Variants in EEF1A1 observed in about 807,000 individuals in gnomAD.
EEF1A1 encodes elongation factor 1-alpha 1.
Under a neutral mutation model 38.5 loss-of-function variants are expected in EEF1A1, and 1 was observed. That is an observed-to-expected ratio of 0.03 (90% CI 0.01 to 0.12). EEF1A1 has a LOEUF of 0.12. Ranked by LOEUF, EEF1A1 falls within the 10% of genes least tolerant of loss-of-function variation. The probability of loss-of-function intolerance (pLI) is 1.00; values close to 1 mark genes in which losing one functional copy is unlikely to be tolerated. For missense variants in EEF1A1, 184 were observed against 588.3 expected, an observed-to-expected ratio of 0.31 and a Z score of 7.11; for synonymous variants, 229 against 203.7, an observed-to-expected ratio of 1.12 and a Z score of -1.06.
chr6:73,520,690 GAA>G (rs1377073582), intron 1 of EEF1A1: 1 of 152,450 alleles, frequency 6.6e-6, no homozygotes, highest in South Asian at 2.1e-4. Flanking sequence ...TATCTTGCCA[GAA>G]AAAAAGCGTC....
chr6:73,515,951 C>CT lies in EEF1A1; in HGVS notation c.*1858dup, dbSNP rs1336681308. 2 of 152,148 alleles carry CT rather than the reference C, an allele frequency of 1.3e-5. No homozygotes were observed. The highest frequency in any genetic ancestry group is 1.5e-5 in the Non-Finnish European group (1 of 68,040). 9.4% of individuals were successfully genotyped at this position (152,148 alleles called of 1,614,324 possible). ...CTTGCTTCCTTGCATGTCAAGAATT[C>CT]TCTACTGGTAAATCTTACAGGTGTC... On this transcript the variant is annotated 3_prime_UTR_variant, in exon 8 of 8. Coordinates refer to ENST00000309268, the MANE Select transcript of EEF1A1 (RefSeq NM_001402.6).
intron 3 of EEF1A1, 54 bp downstream of exon 3, chr6:73,519,283 G>A: frequency 6.2e-7 from 1 of 1,606,836 alleles, no homozygotes; most frequent in South Asian, 1.1e-5. Flanking sequence ...CAAAACCAGT[G>A]TACAAAGCAA....
chr6:73,515,851 G>T lies in EEF1A1; in HGVS notation c.*1959C>A, dbSNP rs939550716. 6.6e-6 allele frequency: 1 copy of T among 152,058 alleles called. No individual in the cohort carries two copies. Among genetic ancestry groups the T allele is most frequent in the Admixed American group, 6.5e-5 (1 of 15,274 alleles). 9.4% of individuals were successfully genotyped at this position (152,058 alleles called of 1,614,324 possible). On this transcript the variant is annotated 3_prime_UTR_variant, in exon 8 of 8. Coordinates refer to ENST00000309268, the MANE Select transcript of EEF1A1 (RefSeq NM_001402.6). ...TCTAAGACACTGGGTTTCACAGGAAGTTAATCTCAATCTCAGTATATGCAA... is the reference window on the plus strand; with the variant it reads ...TCTAAGACACTGGGTTTCACAGGAATTTAATCTCAATCTCAGTATATGCAA...
Position 73,516,278 on chromosome 6 carries a change from T to C in EEF1A1, c.*1532A>G, listed in dbSNP as rs900613496. Reference sequence around the variant, plus strand: ...CATTGCCAGTCACTTTAAGAGGCCTTATCTCTTGGGCTGCTTTAACTCCTG... The same window carrying C: ...CATTGCCAGTCACTTTAAGAGGCCTCATCTCTTGGGCTGCTTTAACTCCTG... On this transcript the variant is annotated 3_prime_UTR_variant, in exon 8 of 8. Coordinates refer to ENST00000309268, the MANE Select transcript of EEF1A1 (RefSeq NM_001402.6). 3.3e-5 allele frequency: 5 copies of C among 152,222 alleles called. No individual in the cohort carries two copies. Among genetic ancestry groups the C allele is most frequent in the African/African-American group, 4.8e-5 (2 of 41,458 alleles). 9.4% of individuals were successfully genotyped at this position (152,222 alleles called of 1,614,324 possible).
intron 1 of EEF1A1, 118 bp from the exon 2 acceptor site, chr6:73,520,174 T>C: frequency 2.1e-6 from 2 of 949,114 alleles, no homozygotes; most frequent in Non-Finnish European, 3.1e-6. Flanking sequence ...CTGGCCTAAC[T>C]TCAGTCTCCA....
At position 73,517,780 on chromosome 6, in the gene EEF1A1, G is replaced by C; in HGVS notation, c.*30C>G. 1 of 1,260,266 alleles carries C rather than the reference G, an allele frequency of 7.9e-7. No homozygotes were observed. Among genetic ancestry groups the C allele is most frequent in the Non-Finnish European group, 1.1e-6 (1 of 892,642 alleles). 78.1% of individuals were successfully genotyped at this position (1,260,266 alleles called of 1,614,324 possible). A position where few individuals can be genotyped will look rare whatever the true frequency, so the allele number is the denominator to read the frequency against. On this transcript the variant is annotated 3_prime_UTR_variant, in exon 8 of 8. Coordinates refer to ENST00000309268, the MANE Select transcript of EEF1A1 (RefSeq NM_001402.6). Reference sequence around the variant, plus strand: ...AGACCGTTCTTCCACCACTGATTAAGAGTGGGGTGGCAGGTATTAGGGATA... The same window carrying C: ...AGACCGTTCTTCCACCACTGATTAACAGTGGGGTGGCAGGTATTAGGGATA...
At position 73,518,917 on chromosome 6, in the gene EEF1A1, T is replaced by C. The variant is rs199860345; in HGVS notation, c.621+15A>G. ...TTCCCAGAGCTTTTTAACAATGGTC[T>C]TGAAAGCCACTTACGTTAGCACTTG... is the stretch of plus-strand genomic sequence containing the variant. On this transcript the variant is annotated intron_variant, in intron 4 of 7. Coordinates refer to ENST00000309268, the MANE Select transcript of EEF1A1 (RefSeq NM_001402.6). The C allele has an allele frequency of 1.2e-6, 2 of 1,611,826 alleles. No individual in the cohort carries two copies. Among genetic ancestry groups the C allele is most frequent in the Admixed American group, 1.7e-5 (1 of 59,974 alleles).
In EEF1A1 at chr6:73,518,418, C is replaced by A. The variant is rs755319175; in HGVS notation, c.965G>T (p.Arg322Leu). 1 of 1,613,646 alleles carries A rather than the reference C, an allele frequency of 6.2e-7. No individual in the cohort carries two copies. Among genetic ancestry groups the A allele is most frequent in the Non-Finnish European group, 8.5e-7 (1 of 1,179,970 alleles). The part of the protein sequence containing the change: ...VKNVSVKDVR[R>L]GNVAGDSKND... ...TTTGCTGTCACCAGCAACGTTGCCA[C>A]GACGAACATCCTTGACAGACACATT... The change falls in exon 6 of 8, where the codon CGT becomes CTT. Residue 322 changes from arginine (R) to leucine (L), a missense_variant. Arg to Leu is a moderately radical substitution (Grantham distance 102). Transcript: ENST00000309268.
In EEF1A1 at chr6:73,518,925, C is replaced by T; in HGVS notation, c.621+7G>A. 6.2e-7 allele frequency: 1 copy of T among 1,612,272 alleles called. No homozygotes were observed. The highest frequency in any genetic ancestry group is 8.5e-7 in the Non-Finnish European group (1 of 1,178,396). ...GCTTTTTAACAATGGTCTTGAAAGC[C>T]ACTTACGTTAGCACTTGGCTCCAGC... On this transcript the variant is annotated splice_region_variant and intron_variant, in intron 4 of 7. Transcript: ENST00000309268.
chr6:73,520,151 A>G, intron 1 of EEF1A1, 95 bp from the exon 2 acceptor site: 1 of 1,220,944 alleles, frequency 8.2e-7, no homozygotes. Flanking sequence ...GGAGAATTAC[A>G]TCAAGTGCCA....
intron 2 of EEF1A1, 129 bp from the exon 3 acceptor site, chr6:73,519,645 G>C: frequency 2.5e-6 from 3 of 1,219,658 alleles, no homozygotes; most frequent in Non-Finnish European, 2.3e-6. Context: ...AGTCACTTTG[G>C]GTTACAGAAG....
Position 73,518,412 on chromosome 6 carries a change from T to A in EEF1A1, c.971A>T (p.Asn324Ile). ...GTCATTTTTGCTGTCACCAGCAACG[T>A]TGCCACGACGAACATCCTTGACAGA... is the stretch of plus-strand genomic sequence containing the variant. ...NVSVKDVRRG[N>I]VAGDSKNDPP... The change falls in exon 6 of 8, where the codon AAC (asparagine) becomes ATC (isoleucine). Residue 324 changes from asparagine to isoleucine, a missense_variant. By Grantham distance (149) the Asn-to-Ile change is moderately radical (BLOSUM62 -3). This residue lies in a region of EEF1A1 where 81 missense variants were observed against 286.3 expected (regional missense o/e 0.28). Transcript: ENST00000309268. 1 of 1,613,696 alleles carries A rather than the reference T, an allele frequency of 6.2e-7. No individual in the cohort carries two copies. The highest frequency in any genetic ancestry group is 8.5e-7 in the Non-Finnish European group (1 of 1,179,976).
chr6:73,520,543 C>G (rs1258801873), intron 1 of EEF1A1: 1 of 152,654 alleles, frequency 6.6e-6, no homozygotes, highest in Non-Finnish European at 1.5e-5. Flanking sequence ...GAGACTACCC[C>G]CGTCCGATTC....
At chr6:73,519,574 C>T in intron 2 of EEF1A1, 58 bp from the exon 3 acceptor site, 2 of 1,516,558 alleles carry the variant, frequency 1.3e-6, no homozygotes, top group Middle Eastern at 1.7e-4. Context: ...GCTTCAATTT[C>T]CTTGTCCCCA....
chr6:73,519,775 TA>T, intron 2 of EEF1A1, 107 bp downstream of exon 2: 2 of 1,486,898 alleles, frequency 1.3e-6, no homozygotes, highest in South Asian at 2.6e-5. Context: ...AGGTCTTAAC[TA>T]TTAGCATTCA....
In EEF1A1 at chr6:73,519,381, C is replaced by T. The variant is rs2150051818; in HGVS notation, c.280G>A (p.Gly94Arg). The change falls in exon 3 of 8, where the codon GGA (glycine) becomes AGA (arginine). Residue 94 changes from glycine to arginine, a missense_variant. By Grantham distance (125) the Gly-to-Arg change is moderately radical. Transcript: ENST00000309268. ...KYYVTIIDAP[G>R]HRDFIKNMIT... ...ATGTTTTTGATAAAGTCTCTGTGTC[C>T]TGGGGCATCAATGATAGTCACATAG... 6.2e-7 allele frequency: 1 copy of T among 1,612,322 alleles called. No individual in the cohort carries two copies. Among genetic ancestry groups the T allele is most frequent in the African/African-American group, 1.3e-5 (1 of 75,026 alleles).
intron 1 of EEF1A1, chr6:73,520,293 A>G (rs2150052270): frequency 2.6e-6 from 1 of 389,396 alleles, no homozygotes; most frequent in Non-Finnish European, 4.6e-6. Flanking sequence ...GGCGCCCGGT[A>G]CTCCGTGGAG....
rs958438083 is a variant in EEF1A1, at chr6:73,520,076, C to T, written c.-30-20G>A. 6.4e-6 allele frequency: 10 copies of T among 1,568,664 alleles called. No homozygotes were observed. The highest frequency in any genetic ancestry group is 8.6e-6 in the Non-Finnish European group (10 of 1,168,624). On this transcript the variant is annotated intron_variant, in intron 1 of 7. Coordinates refer to ENST00000309268, the MANE Select transcript of EEF1A1 (RefSeq NM_001402.6). ...CGACACCTGAAATGGAAGAAAAAAA[C>T]TTTGAACCACTGTCTGAGGCTTGAG...
At chr6:73,520,190 T>G (rs1765617956) in intron 1 of EEF1A1, 134 bp from the exon 2 acceptor site, 2 of 778,098 alleles carry the variant, frequency 2.6e-6, no homozygotes, top group Non-Finnish European at 4.0e-6. Flanking sequence ...CTCCACCCAC[T>G]CAGTGTGGGG....
Sources: allele counts gnomAD v4.1 joint callset, GRCh38; gene constraint gnomAD v4.1.1; regional missense constraint gnomAD v4.1.1; transcripts MANE v1.5; gene names NCBI Gene and HGNC (gene_info 2026-07-23, HGNC 2026-07-21).